The following SUPT3H variants were observed in gnomAD, a reference collection of about 807,000 sequenced individuals.
The protein encoded by SUPT3H is transcription initiation protein SPT3 homolog.
Under a neutral mutation model 44.3 loss-of-function variants are expected in SUPT3H, and 44 were observed. The ratio of observed to expected loss-of-function variants is 0.99; its 90% confidence interval spans 0.78 to 1.28. SUPT3H has a LOEUF of 1.28. Ranked by LOEUF, SUPT3H falls within the 50% of genes most tolerant of loss-of-function variation. The probability of loss-of-function intolerance (pLI) is 0.00; values close to 1 mark genes in which losing one functional copy is unlikely to be tolerated. For synonymous variants in SUPT3H, 124 were observed against 125.6 expected (o/e 0.99, Z 0.09); for missense variants, 380 against 387.1 (o/e 0.98, Z 0.15).
At chr6:44,839,884 T>C (rs1351015957) in intron 10 of SUPT3H, among the ~76,000 whole-genome samples, 1 of 152,124 alleles carries the variant, frequency 6.6e-6, no homozygotes, top group East Asian at 1.9e-4. Context: ...GTATTTTTAG[T>C]AGAGATGGGG....
chr6:44,911,315 A>T (rs1767009337), intron 10 of SUPT3H, among the ~76,000 whole-genome samples: 1 of 152,084 alleles, frequency 6.6e-6, no homozygotes, highest in South Asian at 2.1e-4. Flanking sequence ...AATTTGGTAT[A>T]TATTTAATTA....
intron 6 of SUPT3H, among the ~76,000 whole-genome samples, chr6:44,987,315 A>G (rs1172904889): frequency 1.3e-5 from 2 of 151,730 alleles, no homozygotes; most frequent in African/African-American, 2.4e-5. Flanking sequence ...GAAGAGGGCA[A>G]TTCAGTCCAT....
rs1326795734 is a variant in SUPT3H at position 44,829,836 on chromosome 6, T to A, written c.934A>T (p.Met312Leu). The change falls in exon 11 of 11, where the codon ATG becomes TTG. Residue 312 changes from methionine to leucine, a missense_variant. Met to Leu is a conservative substitution (Grantham distance 15, BLOSUM62 2). Coordinates refer to ENST00000371459, the MANE Select transcript of SUPT3H (RefSeq NM_003599.4). Reference protein sequence around the residue: ...PFTNAYRRNGMAFLAC With the variant: ...PFTNAYRRNGLAFLAC ...TCACATCAGCAGGCTAGAAAAGCCA[T>A]CCCATTCCTGCGGTAGGCATTCTGT... The A allele has an allele frequency of 6.2e-7, 1 of 1,613,266 alleles. No homozygotes were observed. The highest frequency in any genetic ancestry group is 8.5e-7 in the Non-Finnish European group (1 of 1,179,280).
chr6:45,258,238 G>A (rs959776097), intron 2 of SUPT3H, among the ~76,000 whole-genome samples: 26 of 152,138 alleles, frequency 1.7e-4, no homozygotes, highest in Admixed American at 1.3e-4. Context: ...CAAAGAACAT[G>A]TTTATGTAAA....
intron 3 of SUPT3H, among the ~76,000 whole-genome samples, chr6:45,103,507 A>G (rs1315358886): frequency 6.6e-6 from 1 of 152,218 alleles, no homozygotes; most frequent in Non-Finnish European, 1.5e-5. Flanking sequence ...GCAATAGAAA[A>G]TACTATGGGC....
At chr6:44,854,342 T>C (rs143998386) in intron 10 of SUPT3H, among the ~76,000 whole-genome samples, 1 of 152,280 alleles carries the variant, frequency 6.6e-6, no homozygotes, top group Non-Finnish European at 1.5e-5. Context: ...ACTGGTCTCC[T>C]TGCTTCTCTT....
At chr6:45,372,539 T>G (rs1014779648) in intron 1 of SUPT3H, among the ~76,000 whole-genome samples, 3 of 152,234 alleles carry the variant, frequency 2.0e-5, no homozygotes, top group Non-Finnish European at 4.4e-5. Flanking sequence ...GATTTTTTAA[T>G]GATTTATATT....
At chr6:45,014,003 C>T (rs535983359) in intron 5 of SUPT3H, among the ~76,000 whole-genome samples, 2 of 152,128 alleles carry the variant, frequency 1.3e-5, no homozygotes, top group Non-Finnish European at 2.9e-5. Context: ...TTTCTACAGA[C>T]TTTAAATGAT....
chr6:45,141,981 G>A (rs1188819195), intron 2 of SUPT3H, among the ~76,000 whole-genome samples: 1 of 152,188 alleles, frequency 6.6e-6, no homozygotes, highest in African/African-American at 2.4e-5. Flanking sequence ...AGAATCTTAA[G>A]ATCTGTGAGA....
chr6:44,937,900 C>CTTT lies in SUPT3H; in HGVS notation c.802-5140_802-5138dup, dbSNP rs746279156. 6.2e-3 allele frequency among the ~76,000 whole-genome samples: 365 copies of CTTT among 59,114 alleles called. 53 individuals carry two copies. Among genetic ancestry groups the CTTT allele is most frequent in the African/African-American group, 0.026 (343 of 13,294 alleles). 38.8% of individuals were successfully genotyped at this position (59,114 alleles called of 152,430 possible). On this transcript the variant is annotated intron_variant, in intron 9 of 10. Transcript: ENST00000371459. ...ATTCTGCAGGTTCTTTGCTCACTAT[C>CTTT]TTTTTTTTTTTTTTTTTTTTTTTTT...
At chr6:45,023,133 A>G (rs977759529) in intron 3 of SUPT3H, among the ~76,000 whole-genome samples, 5 of 152,236 alleles carry the variant, frequency 3.3e-5, no homozygotes, top group Admixed American at 2.6e-4. Context: ...TTTTCCAAAG[A>G]CGACATAGAT....
intron 2 of SUPT3H, among the ~76,000 whole-genome samples, chr6:45,119,594 C>T (rs1327468825): frequency 6.6e-6 from 1 of 152,034 alleles, no homozygotes; most frequent in Non-Finnish European, 1.5e-5. Flanking sequence ...GCACAGATGG[C>T]CACAAATTCA....
chr6:45,306,760 T>C (rs1261539020), intron 2 of SUPT3H, among the ~76,000 whole-genome samples: 1 of 152,118 alleles, frequency 6.6e-6, no homozygotes, highest in Non-Finnish European at 1.5e-5. Flanking sequence ...ACCGGGTTCA[T>C]CTCACTGAGG....
At chr6:45,269,685 T>C (rs901170032) in intron 2 of SUPT3H, among the ~76,000 whole-genome samples, 2 of 152,238 alleles carry the variant, frequency 1.3e-5, no homozygotes, top group Admixed American at 1.3e-4. Flanking sequence ...TACCACGTTA[T>C]CAATTTAATT....
At chr6:45,326,888 T>C (rs1786435858) in intron 2 of SUPT3H, among the ~76,000 whole-genome samples, 1 of 151,920 alleles carries the variant, frequency 6.6e-6, no homozygotes, top group Non-Finnish European at 1.5e-5. Flanking sequence ...TTTATGCCAC[T>C]CCTAGTTACT....
At chr6:44,832,892 G>GAAAACAT (rs1769113631) in intron 10 of SUPT3H, among the ~76,000 whole-genome samples, 1 of 152,058 alleles carries the variant, frequency 6.6e-6, no homozygotes, top group Non-Finnish European at 1.5e-5. Context: ...ACAAGGTAGA[G>GAAAACAT]AAAACATTTA....
intron 2 of SUPT3H, among the ~76,000 whole-genome samples, chr6:45,343,073 G>C (rs1790143152): frequency 6.6e-6 from 1 of 152,096 alleles, no homozygotes; most frequent in African/African-American, 2.4e-5. Flanking sequence ...AAAATGTAAA[G>C]TGTCTACACT....
intron 6 of SUPT3H, among the ~76,000 whole-genome samples, chr6:44,976,523 G>A (rs568563636): frequency 6.6e-6 from 1 of 152,084 alleles, no homozygotes; most frequent in South Asian, 2.1e-4. Context: ...AACCATGCCT[G>A]GCTAATTTTT....
chr6:45,257,772 C>A (rs1407398642), intron 2 of SUPT3H, among the ~76,000 whole-genome samples: 2 of 152,126 alleles, frequency 1.3e-5, no homozygotes, highest in Non-Finnish European at 2.9e-5. Flanking sequence ...GAGTGTGAAG[C>A]CCTGATGGCC....
Sources: gnomAD v4.1 joint callset for allele counts (sites outside exome capture counted in the v4.1 genomes callset) on GRCh38, gnomAD v4.1.1 for gene constraint, MANE v1.5 for transcripts, NCBI Gene and HGNC (gene_info 2026-07-23, HGNC 2026-07-21) for gene names.